Variants in C12orf42 observed in about 807,000 individuals in gnomAD.
C12orf42 encodes uncharacterized protein C12orf42.
In C12orf42, 25 loss-of-function variants were observed where a neutral mutation model predicts 21.6. That is an observed-to-expected ratio of 1.16 (90% CI 0.84 to 1.62). The LOEUF is 1.62. C12orf42 is among the 40% of genes most tolerant of loss of function. The pLI is 0.00. For missense variants in C12orf42, 483 were observed against 459.3 expected (o/e 1.05, Z -0.47); for synonymous variants, 174 against 175.0 (o/e 0.99, Z 0.05).
chr12:103,095,554 T>C, the C12orf42 span, among the ~76,000 whole-genome samples: 14 of 152,220 alleles, frequency 9.2e-5, no homozygotes, highest in Non-Finnish European at 1.3e-4. Flanking sequence ...AATGGCCCTG[T>C]TTAAAATTGC....
downstream of C12orf42, among the ~76,000 whole-genome samples, chr12:103,265,296 T>C (rs1279142686): frequency 1.3e-5 from 2 of 152,176 alleles, no homozygotes; most frequent in Non-Finnish European, 2.9e-5. Context: ...CAGTTCTTGG[T>C]TTCTTTCAGC....
the C12orf42 span, among the ~76,000 whole-genome samples, chr12:103,060,588 A>G: frequency 1.3e-5 from 2 of 152,218 alleles, no homozygotes; most frequent in African/African-American, 2.4e-5. Context: ...CTACAAGGCT[A>G]CAGTAACCAA....
At chr12:103,176,576 T>C in the C12orf42 span, among the ~76,000 whole-genome samples, 1 of 152,200 alleles carries the variant, frequency 6.6e-6, no homozygotes, top group Non-Finnish European at 1.5e-5. Flanking sequence ...GTCATTTAAC[T>C]CTCATAACAA....
chr12:103,403,796 G>A (rs945503209), intron 2 of C12orf42, among the ~76,000 whole-genome samples: 12 of 152,134 alleles, frequency 7.9e-5, no homozygotes, highest in African/African-American at 2.2e-4. Context: ...TCACACATCC[G>A]GTGTCTTCCA....
At chr12:103,216,375 CT>C in the C12orf42 span, among the ~76,000 whole-genome samples, 1,236 of 143,236 alleles carry the variant, frequency 8.6e-3, 11 homozygotes, top group African/African-American at 0.026. Flanking sequence ...ACTTTTTTTT[CT>C]TTTTTTTTTT....
the C12orf42 span, among the ~76,000 whole-genome samples, chr12:103,521,159 G>C: frequency 1.3e-5 from 2 of 152,182 alleles, no homozygotes. Context: ...GGGACCATTA[G>C]TCTGAGATGG....
chr12:103,163,002 T>G, the C12orf42 span: 1 of 152,132 alleles, frequency 6.6e-6, no homozygotes, highest in Non-Finnish European at 1.5e-5. Context: ...TGAAATCCAT[T>G]TCTATTGAAG....
chr12:103,308,451 G>C (rs981488203), intron 4 of C12orf42, among the ~76,000 whole-genome samples: 3 of 152,118 alleles, frequency 2.0e-5, no homozygotes, highest in African/African-American at 7.2e-5. Context: ...TCTTCAATTA[G>C]ACAGTGCAGA....
chr12:103,316,527 T>A (rs1366492266), intron 4 of C12orf42, among the ~76,000 whole-genome samples: 1 of 152,096 alleles, frequency 6.6e-6, no homozygotes, highest in Admixed American at 6.6e-5. Context: ...GGAGAAGGAA[T>A]AAATAATATG....
chr12:103,430,117 C>T (rs150578296), intron 2 of C12orf42, among the ~76,000 whole-genome samples: 1 of 152,116 alleles, frequency 6.6e-6, no homozygotes, highest in Non-Finnish European at 1.5e-5. Flanking sequence ...CCAATGGGAT[C>T]TAATTAAACT....
intron 2 of C12orf42, chr12:103,476,871 T>C (rs1468499845): frequency 6.6e-6 from 1 of 152,212 alleles, no homozygotes; most frequent in Non-Finnish European, 1.5e-5. Context: ...TATTACTTAC[T>C]GATGTCAGTT....
At chr12:103,217,034 G>C in the C12orf42 span, among the ~76,000 whole-genome samples, 1 of 151,930 alleles carries the variant, frequency 6.6e-6, no homozygotes, top group African/African-American at 2.4e-5. Context: ...GTAGAGACAG[G>C]GTTTCACCGT....
chr12:103,185,976 C>G, the C12orf42 span, among the ~76,000 whole-genome samples: 1 of 152,068 alleles, frequency 6.6e-6, no homozygotes, highest in Non-Finnish European at 1.5e-5. Flanking sequence ...GTAAAATGGC[C>G]AAAACCTTCT....
At chr12:103,235,771 T>C (rs1263899782), downstream of C12orf42, among the ~76,000 whole-genome samples, 2 of 152,200 alleles carry the variant, frequency 1.3e-5, no homozygotes, top group Non-Finnish European at 2.9e-5. Context: ...TACCACTGTA[T>C]TAATATTGTG....
At chr12:103,432,547 G>A (rs987863121) in intron 2 of C12orf42, among the ~76,000 whole-genome samples, 1 of 152,214 alleles carries the variant, frequency 6.6e-6, no homozygotes, top group South Asian at 2.1e-4. Flanking sequence ...CTCTAAAGAG[G>A]CTTGCTGTCT....
At chr12:103,248,154 G>T (rs1333221946) in intron 10 of C12orf42, among the ~76,000 whole-genome samples, 2 of 151,932 alleles carry the variant, frequency 1.3e-5, no homozygotes. Context: ...ATTCCTTTGA[G>T]TTGTAAATTT....
At chr12:103,054,673 T>G in the C12orf42 span, among the ~76,000 whole-genome samples, 2 of 151,900 alleles carry the variant, frequency 1.3e-5, no homozygotes, top group Non-Finnish European at 2.9e-5. Flanking sequence ...GGGGAATATA[T>G]TCACCAATTT....
chr12:103,511,047 C>G, the C12orf42 span, among the ~76,000 whole-genome samples: 1 of 152,174 alleles, frequency 6.6e-6, no homozygotes, highest in African/African-American at 2.4e-5. Context: ...ACCATTCTAA[C>G]TCTCAAGAGG....
intron 4 of C12orf42, among the ~76,000 whole-genome samples, chr12:103,322,234 C>T (rs963344482): frequency 3.9e-5 from 6 of 152,062 alleles, no homozygotes; most frequent in Non-Finnish European, 8.8e-5. Flanking sequence ...TAGAGTCTTC[C>T]CTTCTCTGGC....
Sources: gnomAD v4.1 joint callset for allele counts (sites outside exome capture counted in the v4.1 genomes callset) on GRCh38, gnomAD v4.1.1 for gene constraint, MANE v1.5 for transcripts, NCBI Gene and HGNC (gene_info 2026-07-23, HGNC 2026-07-21) for gene names.